Variants in GRIA4 observed in about 807,000 individuals in gnomAD.
GRIA4 encodes the protein glutamate ionotropic receptor AMPA type subunit 4, also known as glutamate receptor 4.
Under a neutral mutation model 104.0 loss-of-function variants are expected in GRIA4, and 34 were observed. That is an observed-to-expected ratio of 0.33 (90% CI 0.25 to 0.44). The LOEUF is 0.44. GRIA4 is among the 20% of genes least tolerant of loss of function. The pLI is 1.00. For synonymous variants in GRIA4, 386 were observed against 381.9 expected (o/e 1.01, Z -0.13); for missense variants, 750 against 1,096.5 (o/e 0.68, Z 4.46).
At chr11:105,834,906 C>A (rs1438684458) in intron 4 of GRIA4, among the ~76,000 whole-genome samples, 1 of 151,776 alleles carries the variant, frequency 6.6e-6, no homozygotes, top group Non-Finnish European at 1.5e-5. Flanking sequence ...TTTAACATCA[C>A]CCTAGTAAAT....
At chr11:105,929,548 C>T (rs1947815315) in intron 13 of GRIA4, among the ~76,000 whole-genome samples, 1 of 152,120 alleles carries the variant, frequency 6.6e-6, no homozygotes, top group Non-Finnish European at 1.5e-5. Context: ...TTATCACACA[C>T]CTGACTTAAA....
At position 105,822,004 on chromosome 11, in the gene GRIA4, C is replaced by T. The variant is rs780328819; in HGVS notation, c.488-40020C>T. Among the ~76,000 whole-genome samples, 145 of 152,046 alleles carry T rather than the reference C, an allele frequency of 9.5e-4. 3 individuals carry two copies. Among genetic ancestry groups the T allele is most frequent in the Non-Finnish European group, 6.0e-4 (41 of 67,990 alleles). On this transcript the variant is annotated intron_variant, in intron 4 of 16. Coordinates refer to ENST00000282499, the MANE Select transcript of GRIA4 (RefSeq NM_000829.4). The stretch of plus-strand genomic sequence containing the variant: ...CGCAGGTTCCCAGAACCGGGAAAAT[C>T]CTTTTGCTGTAGAACAATTTGCGTT...
Position 105,829,094 on chromosome 11 carries a change from T to TACACACACACACACACACACACACAC in GRIA4, c.488-32917_488-32916insCACACACACACACACACACACACACA, listed in dbSNP as rs146841671. 2.6e-3 allele frequency among the ~76,000 whole-genome samples: 388 copies of TACACACACACACACACACACACACAC among 151,122 alleles called. 2 individuals are homozygous for TACACACACACACACACACACACACAC. The highest frequency in any genetic ancestry group is 7.2e-3 in the African/African-American group (296 of 41,070). ...ATTGTGTGCTATATCCAGTGATGTATACACACACACACAAATAGACTGATA... is the reference window on the plus strand; with the variant it reads ...ATTGTGTGCTATATCCAGTGATGTATACACACACACACACACACACACACACACACACACACACAAATAGACTGATA... On this transcript the variant is annotated intron_variant, in intron 4 of 16. Transcript: ENST00000282499.
chr11:105,813,587 T>C (rs1591296782), intron 4 of GRIA4, among the ~76,000 whole-genome samples: 1 of 152,044 alleles, frequency 6.6e-6, no homozygotes, highest in Admixed American at 6.6e-5. Flanking sequence ...CCAATAAGGG[T>C]GGTAAGTGGA....
At chr11:105,654,211 G>C (rs1425921777) in intron 3 of GRIA4, among the ~76,000 whole-genome samples, 1 of 151,624 alleles carries the variant, frequency 6.6e-6, no homozygotes, top group African/African-American at 2.4e-5. Context: ...AGTGGTGGTG[G>C]GGCTGGAAAG....
At chr11:105,878,708 T>C (rs1170460151) in intron 5 of GRIA4, among the ~76,000 whole-genome samples, 1 of 152,142 alleles carries the variant, frequency 6.6e-6, no homozygotes, top group East Asian at 1.9e-4. Context: ...AGACTTTGTT[T>C]ACAATGTGGG....
intron 4 of GRIA4, among the ~76,000 whole-genome samples, chr11:105,768,744 T>C (rs1027478576): frequency 1.3e-5 from 2 of 152,032 alleles, no homozygotes; most frequent in African/African-American, 2.4e-5. Flanking sequence ...CAAATGTTCA[T>C]AGATTATTTG....
At chr11:105,796,872 A>G (rs1942498694) in intron 4 of GRIA4, among the ~76,000 whole-genome samples, 2 of 152,102 alleles carry the variant, frequency 1.3e-5, no homozygotes, top group South Asian at 4.1e-4. Flanking sequence ...TGGTAATGAG[A>G]AGAAAGAAGT....
At chr11:105,949,045 CATTT>C (rs1222143302) in intron 14 of GRIA4, among the ~76,000 whole-genome samples, 2 of 152,176 alleles carry the variant, frequency 1.3e-5, no homozygotes, top group African/African-American at 4.8e-5. Flanking sequence ...TTGATTTTAT[CATTT>C]AGTGTTCTTT....
At chr11:105,807,244 T>C (rs1565251560) in intron 4 of GRIA4, among the ~76,000 whole-genome samples, 1 of 151,890 alleles carries the variant, frequency 6.6e-6, no homozygotes, top group Non-Finnish European at 1.5e-5. Context: ...TACGATAACA[T>C]TGTGTATTTA....
At chr11:105,809,616 T>C (rs1430862290) in intron 4 of GRIA4, among the ~76,000 whole-genome samples, 1 of 152,082 alleles carries the variant, frequency 6.6e-6, no homozygotes, top group African/African-American at 2.4e-5. Flanking sequence ...ATCTGATGGT[T>C]TTATAAGGGC....
At chr11:105,806,663 G>A (rs1369786169) in intron 4 of GRIA4, among the ~76,000 whole-genome samples, 3 of 151,636 alleles carry the variant, frequency 2.0e-5, no homozygotes, top group Admixed American at 1.3e-4. Context: ...TTTGTATATT[G>A]AATGGTACCC....
intron 3 of GRIA4, among the ~76,000 whole-genome samples, chr11:105,745,881 C>T (rs897151941): frequency 6.6e-6 from 1 of 152,038 alleles, no homozygotes; most frequent in African/African-American, 2.4e-5. Context: ...GTAGCCTCCT[C>T]TATTTTAGCT....
intron 4 of GRIA4, among the ~76,000 whole-genome samples, chr11:105,794,191 C>T (rs1000952583): frequency 6.6e-6 from 1 of 151,076 alleles, no homozygotes; most frequent in African/African-American, 2.4e-5. Context: ...TTCCAATGGC[C>T]GATTAAAAAC....
At chr11:105,686,271 AT>A (rs1162292023) in intron 3 of GRIA4, among the ~76,000 whole-genome samples, 2 of 151,962 alleles carry the variant, frequency 1.3e-5, no homozygotes, top group Non-Finnish European at 2.9e-5. Context: ...TGCCATCTTT[AT>A]TTTTCTGAGT....
At chr11:105,712,463 T>C (rs1953944992) in intron 3 of GRIA4, among the ~76,000 whole-genome samples, 1 of 152,040 alleles carries the variant, frequency 6.6e-6, no homozygotes, top group Non-Finnish European at 1.5e-5. Context: ...ACTAATTTTT[T>C]ATCTTACTTA....
intron 7 of GRIA4, among the ~76,000 whole-genome samples, chr11:105,900,034 G>A (rs1360503376): frequency 6.6e-6 from 1 of 152,286 alleles, no homozygotes; most frequent in African/African-American, 2.4e-5. Flanking sequence ...CTTGTTTACA[G>A]TATGAGAGCA....
chr11:105,859,469 T>A (rs12146437), intron 4 of GRIA4, among the ~76,000 whole-genome samples: 103 of 152,306 alleles, frequency 6.8e-4, no homozygotes, highest in Middle Eastern at 3.4e-3. Context: ...TGAATTATAA[T>A]TTTGTTTTTA....
intron 3 of GRIA4, among the ~76,000 whole-genome samples, chr11:105,684,768 G>T (rs1328170051): frequency 2.0e-5 from 3 of 151,460 alleles, no homozygotes; most frequent in Non-Finnish European, 4.4e-5. Flanking sequence ...TTTTAGAATT[G>T]TTAATACTGT....
Sources: gnomAD v4.1 joint callset for allele counts (sites outside exome capture counted in the v4.1 genomes callset) on GRCh38, gnomAD v4.1.1 for gene constraint, MANE v1.5 for transcripts, NCBI Gene and HGNC (gene_info 2026-07-23, HGNC 2026-07-21) for gene names.